The following C6 variants were observed in gnomAD, a reference collection of about 807,000 sequenced individuals.
C6 encodes the protein complement C6.
Under a neutral mutation model 112.9 loss-of-function variants are expected in C6, and 101 were observed. That is an observed-to-expected ratio of 0.89 (90% CI 0.76 to 1.06). The LOEUF (loss-of-function observed/expected upper bound fraction) is 1.06, where lower values mean the gene tolerates loss of function less well. Among genes scored for constraint, C6 ranks in the 50% least tolerant of loss-of-function variants. The pLI is 0.00. For missense variants in C6, 1,202 were observed against 1,104.6 expected (o/e 1.09, Z -1.25); for synonymous variants, 431 against 384.1 (o/e 1.12, Z -1.43).
chr5:41,197,622 G>A (rs1750709483), intron 4 of C6, among the ~76,000 whole-genome samples: 1 of 152,120 alleles, frequency 6.6e-6, no homozygotes, highest in African/African-American at 2.4e-5. Flanking sequence ...TGTGAGCAGA[G>A]TACCAGATTT....
intron 1 of C6, among the ~76,000 whole-genome samples, chr5:41,243,283 T>C (rs988465771): frequency 2.0e-5 from 3 of 152,222 alleles, no homozygotes; most frequent in African/African-American, 7.2e-5. Flanking sequence ...ATTTATACCA[T>C]TATAAATTAT....
At position 41,193,292 on chromosome 5, in the gene C6, T is replaced by C. The variant is rs1364507722; in HGVS notation, c.587+2500A>G. The stretch of plus-strand genomic sequence containing the variant: ...CTGAAGATAGGATTTTATGGAGGTA[T>C]TTCCAGCAGACCATGCCTGAGAAAT... On this transcript the variant is annotated intron_variant, in intron 5 of 17. Transcript: ENST00000337836. Among the ~76,000 whole-genome samples, 7 of 152,178 alleles carry C rather than the reference T, an allele frequency of 4.6e-5. No individual in the cohort carries two copies. The South Asian group carries it at 1.5e-3, about 32-fold the overall frequency.
intron 1 of C6, among the ~76,000 whole-genome samples, chr5:41,243,102 T>G (rs190228337): frequency 1.3e-5 from 2 of 152,316 alleles, no homozygotes; most frequent in Non-Finnish European, 2.9e-5. Flanking sequence ...ATATAGTGAA[T>G]AATAGGATAT....
chr5:41,239,743 C>T (rs2150423907), intron 1 of C6, among the ~76,000 whole-genome samples: 1 of 152,172 alleles, frequency 6.6e-6, no homozygotes, highest in South Asian at 2.1e-4. Flanking sequence ...CAGATATCTT[C>T]CTTTCACTTC....
chr5:41,212,162 T>C (rs528859791), intron 1 of C6, among the ~76,000 whole-genome samples: 46 of 152,296 alleles, frequency 3.0e-4, no homozygotes, highest in South Asian at 1.4e-3. Flanking sequence ...AATTTTATTT[T>C]TATTTATTTA....
At chr5:41,194,867 T>A (rs544202890) in intron 5 of C6, among the ~76,000 whole-genome samples, 1 of 152,316 alleles carries the variant, frequency 6.6e-6, no homozygotes, top group African/African-American at 2.4e-5. Flanking sequence ...GATTGGGTAT[T>A]CCTGTAGTAG....
At chr5:41,193,642 T>C (rs1750387800) in intron 5 of C6, among the ~76,000 whole-genome samples, 1 of 152,150 alleles carries the variant, frequency 6.6e-6, no homozygotes, top group South Asian at 2.1e-4. Flanking sequence ...ACACTAAGCC[T>C]GGGTAAAAAC....
At chr5:41,187,473 G>C (rs1422226620) in intron 5 of C6, among the ~76,000 whole-genome samples, 3 of 152,124 alleles carry the variant, frequency 2.0e-5, no homozygotes, top group East Asian at 3.8e-4. Flanking sequence ...ACTATGGGAG[G>C]CTTTTGCGAT....
intron 8 of C6, among the ~76,000 whole-genome samples, chr5:41,176,073 T>TG (rs2150310576): frequency 6.6e-6 from 1 of 152,360 alleles, no homozygotes; most frequent in South Asian, 2.1e-4. Flanking sequence ...TATTGCTTTA[T>TG]GAAATTATAT....
In C6 at chr5:41,203,104, T is replaced by A. The variant is rs1412637553; in HGVS notation, c.127A>T (p.Thr43Ser). The change falls in exon 2 of 18, where the codon ACC (threonine) becomes TCC (serine). Residue 43 changes from threonine to serine, a missense_variant. Thr to Ser is a moderately conservative substitution (Grantham distance 58). Transcript: ENST00000337836. ...TSCSKTCNSGTQSRHRQIVVD... is the reference protein window; with the variant it reads ...TSCSKTCNSGSQSRHRQIVVD... ...CACACCCACCTGTGTCTGCTCTGGG[T>A]TCCAGAATTGCAAGTTTTTGAGCAG... The A allele has an allele frequency of 1.2e-6, 2 of 1,614,030 alleles. No homozygotes were observed. Among genetic ancestry groups the A allele is most frequent in the South Asian group, 1.1e-5 (1 of 91,068 alleles).
intron 4 of C6, among the ~76,000 whole-genome samples, chr5:41,199,416 A>G (rs973172108): frequency 6.6e-6 from 1 of 152,186 alleles, no homozygotes; most frequent in African/African-American, 2.4e-5. Context: ...TTAATTTTAG[A>G]GCCAGTCAAG....
intron 5 of C6, 30 bp downstream of exon 5, chr5:41,195,762 T>C: frequency 6.2e-7 from 1 of 1,609,730 alleles, no homozygotes; most frequent in Non-Finnish European, 8.5e-7. Context: ...ATACCTGTTC[T>C]CCCCAAGATG....
chr5:41,163,459 T>A (rs145468610), intron 9 of C6, among the ~76,000 whole-genome samples: 6,931 of 152,050 alleles, frequency 0.046, 165 homozygotes, highest in Middle Eastern at 0.071. Flanking sequence ...ATTACAGGCA[T>A]GCGTCACCAG....
At chr5:41,254,004 G>A (rs1741523902) in intron 1 of C6, among the ~76,000 whole-genome samples, 1 of 152,174 alleles carries the variant, frequency 6.6e-6, no homozygotes, top group African/African-American at 2.4e-5. Flanking sequence ...ATTTCACACA[G>A]TTGGCCTTAT....
rs1328239182 is a variant in C6, at chr5:41,176,323, A to C, written c.1168+152T>G. ...TTTCTATTTTTGTTTTATTTATTTG[A>C]ATGTGTATTTTTTATCATTCTTCAT... is the stretch of plus-strand genomic sequence containing the variant. On this transcript the variant is annotated intron_variant, in intron 8 of 17. Coordinates refer to ENST00000337836, the MANE Select transcript of C6 (RefSeq NM_000065.5). 6 of 776,540 alleles carry C rather than the reference A, an allele frequency of 7.7e-6. No individual in the cohort carries two copies. In the South Asian group the frequency reaches 9.8e-5, roughly 13 times the overall value. 48.1% of individuals were successfully genotyped at this position (776,540 alleles called of 1,614,324 possible). A position where few individuals can be genotyped will look rare whatever the true frequency, so the allele number is the denominator to read the frequency against.
chr5:41,242,146 T>C (rs960355422), intron 1 of C6, among the ~76,000 whole-genome samples: 1 of 152,188 alleles, frequency 6.6e-6, no homozygotes, highest in African/African-American at 2.4e-5. Flanking sequence ...GGTTTGGCTG[T>C]GTCCTCCCAC....
intron 1 of C6, among the ~76,000 whole-genome samples, chr5:41,224,225 T>C (rs1376182741): frequency 6.6e-6 from 1 of 152,208 alleles, no homozygotes; most frequent in Non-Finnish European, 1.5e-5. Context: ...TCTTTTTTTC[T>C]CTTAAAATAG....
At chr5:41,173,426 TG>T (rs1221382482) in intron 8 of C6, among the ~76,000 whole-genome samples, 1 of 152,140 alleles carries the variant, frequency 6.6e-6, no homozygotes, top group Non-Finnish European at 1.5e-5. Flanking sequence ...TAGTACTATC[TG>T]GGGTAATTGA....
intron 9 of C6, among the ~76,000 whole-genome samples, chr5:41,165,881 A>T (rs1175295762): frequency 6.6e-6 from 1 of 152,170 alleles, no homozygotes; most frequent in Non-Finnish European, 1.5e-5. Context: ...AATTTAGGCG[A>T]TATGCAATGA....
Sources: allele counts gnomAD v4.1 joint callset (sites outside exome capture counted in the v4.1 genomes callset), GRCh38; gene constraint gnomAD v4.1.1; transcripts MANE v1.5; gene names NCBI Gene and HGNC (gene_info 2026-07-23, HGNC 2026-07-21).